The following MACROD2 variants were observed in gnomAD, a reference collection of about 807,000 sequenced individuals.
The protein encoded by MACROD2 is ADP-ribose glycohydrolase MACROD2.
MACROD2 carries 36 observed loss-of-function variants against 70.4 expected under a neutral mutation model. The observed-to-expected ratio is 0.51, with a 90% CI of 0.39 to 0.68. MACROD2 has a LOEUF of 0.68. Ranked by LOEUF, MACROD2 falls within the 30% of genes least tolerant of loss-of-function variation. The pLI is 0.00. For synonymous variants in MACROD2, 172 were observed against 178.8 expected (o/e 0.96, Z 0.30); for missense variants, 496 against 538.4 (o/e 0.92, Z 0.78).
chr20:15,904,871 ACT>A (rs2147252242), intron 10 of MACROD2, among the ~76,000 whole-genome samples: 1 of 135,096 alleles, frequency 7.4e-6, no homozygotes, highest in Admixed American at 8.0e-5. Flanking sequence ...AAAGAGAGAG[ACT>A]CTGTCTCAAA....
chr20:14,052,678 A>G (rs2053583213), intron 2 of MACROD2, among the ~76,000 whole-genome samples: 1 of 152,138 alleles, frequency 6.6e-6, no homozygotes, highest in Non-Finnish European at 1.5e-5. Flanking sequence ...GCCTCACTGC[A>G]GCTTAAAAAA....
chr20:15,157,349 A>T (rs1261476836), intron 5 of MACROD2, among the ~76,000 whole-genome samples: 1 of 109,396 alleles, frequency 9.1e-6, no homozygotes, highest in Non-Finnish European at 1.9e-5. Flanking sequence ...CTAATTAACC[A>T]CCCCCCCCCA....
intron 5 of MACROD2, among the ~76,000 whole-genome samples, chr20:14,733,225 A>G (rs1297972921): frequency 1.3e-5 from 2 of 152,180 alleles, no homozygotes; most frequent in Non-Finnish European, 2.9e-5. Flanking sequence ...TATGAAATTC[A>G]TAGTGTTTAT....
At chr20:14,475,987 C>T (rs941014348) in intron 3 of MACROD2, among the ~76,000 whole-genome samples, 3 of 152,054 alleles carry the variant, frequency 2.0e-5, no homozygotes, top group Non-Finnish European at 4.4e-5. Context: ...TGAATGAAAA[C>T]ATGAGCCATG....
chr20:14,071,178 A>G (rs950703043), intron 2 of MACROD2, among the ~76,000 whole-genome samples: 10 of 150,218 alleles, frequency 6.7e-5, no homozygotes, highest in African/African-American at 2.4e-4. Context: ...AAATTCTGTT[A>G]TATCCTCAAA....
chr20:14,876,945 G>A (rs1329618529), intron 5 of MACROD2, among the ~76,000 whole-genome samples: 1 of 152,096 alleles, frequency 6.6e-6, no homozygotes, highest in Non-Finnish European at 1.5e-5. Context: ...TGGCTATTCA[G>A]GCTCCTTTTT....
intron 5 of MACROD2, among the ~76,000 whole-genome samples, chr20:15,200,070 C>A (rs1329749910): frequency 1.2e-5 from 1 of 86,326 alleles, no homozygotes; most frequent in Non-Finnish European, 2.3e-5. Context: ...GAAAAATTAT[C>A]TTCTTTCAAG....
intron 5 of MACROD2, among the ~76,000 whole-genome samples, chr20:14,780,203 A>G (rs1306842492): frequency 2.0e-5 from 3 of 152,124 alleles, no homozygotes; most frequent in Non-Finnish European, 4.4e-5. Flanking sequence ...CAAAAAAGCA[A>G]AAACAAAAAT....
At chr20:15,546,069 G>A (rs6074917) in intron 8 of MACROD2, among the ~76,000 whole-genome samples, 6,336 of 152,254 alleles carry the variant, frequency 0.042, 185 homozygotes, top group East Asian at 0.16. Flanking sequence ...CGACCAACAT[G>A]GTGAAACCCC....
chr20:14,822,379 G>T (rs2072855901), intron 5 of MACROD2, among the ~76,000 whole-genome samples: 1 of 152,030 alleles, frequency 6.6e-6, no homozygotes, highest in Admixed American at 6.6e-5. Flanking sequence ...GGTATCATTT[G>T]TATAATATTC....
chr20:15,270,171 T>C (rs2077333055), intron 6 of MACROD2, among the ~76,000 whole-genome samples: 1 of 148,382 alleles, frequency 6.7e-6, no homozygotes, highest in South Asian at 2.1e-4. Flanking sequence ...TTTTTTTTTT[T>C]TGGCTGTACA....
chr20:15,468,043 T>C (rs2046917283), intron 7 of MACROD2, among the ~76,000 whole-genome samples: 1 of 152,250 alleles, frequency 6.6e-6, no homozygotes. Flanking sequence ...ACTTTCTGGA[T>C]AGACCTTTAC....
intron 5 of MACROD2, among the ~76,000 whole-genome samples, chr20:14,857,502 C>G (rs981206585): frequency 6.6e-6 from 1 of 152,154 alleles, no homozygotes; most frequent in African/African-American, 2.4e-5. Flanking sequence ...GATAATGTAT[C>G]AAGCAAATTT....
intron 3 of MACROD2, among the ~76,000 whole-genome samples, chr20:14,365,389 T>A (rs2083262497): frequency 6.6e-6 from 1 of 151,186 alleles, no homozygotes; most frequent in Non-Finnish European, 1.5e-5. Flanking sequence ...TTGTTATAAA[T>A]AATTATATAA....
At chr20:15,686,107 G>A (rs1305691725) in intron 8 of MACROD2, among the ~76,000 whole-genome samples, 2 of 152,190 alleles carry the variant, frequency 1.3e-5, no homozygotes, top group African/African-American at 4.8e-5. Context: ...TTGGCCCAAA[G>A]ACAATGAGAT....
chr20:15,672,972 G>A (rs1309376295), intron 8 of MACROD2, among the ~76,000 whole-genome samples: 1 of 152,052 alleles, frequency 6.6e-6, no homozygotes, highest in Non-Finnish European at 1.5e-5. Context: ...TTCTCTTTTT[G>A]CCTGTCACCA....
At chr20:14,767,782 C>T (rs1193591481) in intron 5 of MACROD2, among the ~76,000 whole-genome samples, 6 of 151,846 alleles carry the variant, frequency 4.0e-5, no homozygotes, top group African/African-American at 7.3e-5. Flanking sequence ...TAATGCTATC[C>T]GTCCTCTAGT....
chr20:15,300,881 T>C (rs771945835), intron 6 of MACROD2, among the ~76,000 whole-genome samples: 11 of 152,234 alleles, frequency 7.2e-5, no homozygotes, highest in Non-Finnish European at 1.2e-4. Context: ...AAAGCTGGGC[T>C]GAAGACCCGG....
At chr20:14,198,608 C>T (rs926747113) in intron 3 of MACROD2, among the ~76,000 whole-genome samples, 1 of 152,158 alleles carries the variant, frequency 6.6e-6, no homozygotes, top group Non-Finnish European at 1.5e-5. Flanking sequence ...AATCTTTGTT[C>T]GCATATATTA....
Sources: allele counts gnomAD v4.1 joint callset (sites outside exome capture counted in the v4.1 genomes callset), GRCh38; gene constraint gnomAD v4.1.1; transcripts MANE v1.5; gene names NCBI Gene and HGNC (gene_info 2026-07-23, HGNC 2026-07-21).